Variants in ZFYVE26 observed in about 807,000 individuals in gnomAD.
ZFYVE26 encodes zinc finger FYVE domain-containing protein 26.
In ZFYVE26, 181 loss-of-function variants were observed where a neutral mutation model predicts 276.5. The ratio of observed to expected loss-of-function variants is 0.65; its 90% CI spans 0.58 to 0.74. ZFYVE26 has a LOEUF of 0.74. Among genes scored for constraint, ZFYVE26 ranks in the 30% least tolerant of loss-of-function variants. The pLI is 0.00. For missense variants in ZFYVE26, 2,821 were observed against 3,097.9 expected (o/e 0.91, Z 2.12); for synonymous variants, 1,129 against 1,203.1 (o/e 0.94, Z 1.27).
chr14:67,813,648 A>G (rs1264339845), intron 3 of ZFYVE26, among the ~76,000 whole-genome samples: 1 of 152,210 alleles, frequency 6.6e-6, no homozygotes, highest in African/African-American at 2.4e-5. Context: ...GTTTCAGCTC[A>G]GCCCATTCTC....
chr14:67,772,093 T>A lies in ZFYVE26; in HGVS notation c.5438A>T (p.Glu1813Val). 1 of 1,612,498 alleles carries A rather than the reference T, an allele frequency of 6.2e-7. No individual in the cohort carries two copies. ...PPARHQWVPD[E>V]TESICMVCCR... ...GCAGACCATGCAGATACTCTCAGTC[T>A]CATCCGGTACCCACTGGTGCCTGGC... is the stretch of plus-strand genomic sequence containing the variant. The change falls in exon 28 of 42, where the codon GAG becomes GTG. Residue 1813 changes from glutamate to valine, a missense_variant. Coordinates refer to ENST00000347230, the MANE Select transcript of ZFYVE26 (RefSeq NM_015346.4).
chr14:67,809,429 T>TTTTA, intron 3 of ZFYVE26, 140 bp from the exon 4 acceptor site: 1 of 670,070 alleles, frequency 1.5e-6, no homozygotes, highest in Non-Finnish European at 2.4e-6. Context: ...TTTTTTTTTT[T>TTTTA]TTTTTTATTT....
chr14:67,779,040 C>T (rs2039426590), intron 23 of ZFYVE26, among the ~76,000 whole-genome samples: 1 of 152,196 alleles, frequency 6.6e-6, no homozygotes. Context: ...CCACCATCTA[C>T]CACAGTGATT....
rs1351690810 is a variant in ZFYVE26 at position 67,805,255 on chromosome 14, A to G, written c.1233T>C (p.Ala411=). 11 of 1,614,110 alleles carry G rather than the reference A, an allele frequency of 6.8e-6. No individual in the cohort carries two copies. The highest frequency in any genetic ancestry group is 9.3e-6 in the Non-Finnish European group (11 of 1,180,010). Residue 411 remains alanine, a synonymous_variant, in exon 8 of 42, where the codon GCT becomes GCC. Transcript: ENST00000347230. ...TGCACCACTCCAGGACCTCCAGGTG[A>G]GCCCACAACCCATCACAGGCATCCC... is the stretch of plus-strand genomic sequence containing the variant. ...LLRDACDGLW[A]HLEVLEWCIQ... is the part of the protein sequence containing the mutation.
At position 67,772,066 on chromosome 14, in the gene ZFYVE26, C is replaced by T; in HGVS notation, c.5465G>A (p.Cys1822Tyr). 2 of 1,611,570 alleles carry T rather than the reference C, an allele frequency of 1.2e-6. No homozygotes were observed. The highest frequency in any genetic ancestry group is 2.2e-5 in the East Asian group (1 of 44,846). Reference sequence around the variant, plus strand: ...GCTTACCATGGTGAAGTGCTCCCTGCAGCAGACCATGCAGATACTCTCAGT... The same window carrying T: ...GCTTACCATGGTGAAGTGCTCCCTGTAGCAGACCATGCAGATACTCTCAGT... Reference protein sequence around the residue: ...DETESICMVCCREHFTMFNRR... With the variant: ...DETESICMVCYREHFTMFNRR... The change falls in exon 28 of 42, where the codon TGC (cysteine) becomes TAC (tyrosine). Residue 1822 changes from cysteine (C) to tyrosine (Y), a missense_variant. Coordinates refer to ENST00000347230, the MANE Select transcript of ZFYVE26 (RefSeq NM_015346.4).
chr14:67,777,923 C>T (rs1174191727), intron 24 of ZFYVE26, among the ~76,000 whole-genome samples, 188 bp from the exon 25 acceptor site: 1 of 151,838 alleles, frequency 6.6e-6, no homozygotes, highest in Non-Finnish European at 1.5e-5. Flanking sequence ...CAGAATTCAG[C>T]AGAATTCTGG....
chr14:67,729,946 C>G, intron 13 of ZFYVE26: 2 of 393,350 alleles, frequency 5.1e-6, no homozygotes, highest in Non-Finnish European at 1.0e-5. Context: ...AGAATCCAGC[C>G]CTGTCTGCTC....
rs547646598 is a variant in ZFYVE26, at chr14:67,735,000, A to G, written n.2680-5181T>C. Reference sequence around the variant, plus strand: ...CATTTTGTTAAATATCTGGCTAGAGAAAATATTTTAAATCTGAAAGTTTCC... The same window carrying G: ...CATTTTGTTAAATATCTGGCTAGAGGAAATATTTTAAATCTGAAAGTTTCC... On this transcript the variant is annotated intron_variant and non_coding_transcript_variant, in intron 13 of 14. Coordinates refer to the ZFYVE26 transcript ENST00000394455. 7.9e-5 allele frequency among the ~76,000 whole-genome samples: 12 copies of G among 152,348 alleles called. No homozygotes were observed. The East Asian group carries it at 2.3e-3, about 29-fold the overall frequency.
In ZFYVE26 at chr14:67,754,084, T is replaced by A; in HGVS notation, c.7115A>T (p.Asp2372Val). Reference sequence around the variant, plus strand: ...CGCTGCATGTACCTTGCAGGCAACATCCATTTTCATGTGGTTATTTCCAAA... The same window carrying A: ...CGCTGCATGTACCTTGCAGGCAACAACCATTTTCATGTGGTTATTTCCAAA... ...TLFGNNHMKM[D>V]VACKVMLGGK... The change falls in exon 38 of 42, where the codon GAT (aspartate) becomes GTT (valine). Residue 2372 changes from aspartate to valine, a missense_variant. Physicochemically the swap from Asp to Val is radical, Grantham distance 152 (BLOSUM62 -3). Transcript: ENST00000347230. 1 of 1,614,202 alleles carries A rather than the reference T, an allele frequency of 6.2e-7. No individual in the cohort carries two copies.
rs2038955123 is a variant in ZFYVE26 at position 67,762,338 on chromosome 14, G to A, written c.6234C>T (p.Asn2078=). The change falls in exon 34 of 42, where the codon AAC becomes AAT. Residue 2078 remains asparagine, a synonymous_variant. Transcript: ENST00000347230. The part of the protein sequence containing the change: ...AWGMACLKAG[N]LTAAREKFSR... ...TGAACTTCTCCCGTGCAGCAGTGAG[G>A]TTCCCGGCTTTGAGGCAGGCCATGC... 2 of 1,614,196 alleles carry A rather than the reference G, an allele frequency of 1.2e-6. No individual in the cohort carries two copies. Among genetic ancestry groups the A allele is most frequent in the African/African-American group, 1.3e-5 (1 of 75,048 alleles).
In ZFYVE26 at chr14:67,759,067, G is replaced by A. The variant is rs530818870; in HGVS notation, c.6588+2299C>T. Among the ~76,000 whole-genome samples the A allele has an allele frequency of 3.6e-3, 546 of 151,232 alleles. 4 individuals are homozygous for A. The highest frequency in any genetic ancestry group is 0.01 in the Middle Eastern group (3 of 292). ...ATCCTGGCTAACATGGTGAAACCCCGTCTCTACTAAAAAAAAAAATAGAAA... is the reference window on the plus strand; with the variant it reads ...ATCCTGGCTAACATGGTGAAACCCCATCTCTACTAAAAAAAAAAATAGAAA... On this transcript the variant is annotated intron_variant, in intron 35 of 41. Transcript: ENST00000347230.
intron 12 of ZFYVE26, chr14:67,797,346 A>C (rs1438742857): frequency 7.1e-5 from 26 of 364,620 alleles, no homozygotes; most frequent in Non-Finnish European, 9.4e-5. Context: ...GCAGTATTTA[A>C]AATGGTAAGT....
At chr14:67,806,206 C>G (rs1322916634) in intron 6 of ZFYVE26, among the ~76,000 whole-genome samples, 3 of 152,196 alleles carry the variant, frequency 2.0e-5, no homozygotes, top group African/African-American at 7.2e-5. Context: ...CAGTTGCAAT[C>G]TGGAAGGAAA....
intron 2 of ZFYVE26, among the ~76,000 whole-genome samples, chr14:67,814,670 C>A (rs1191584491): frequency 6.6e-6 from 1 of 152,176 alleles, no homozygotes. Context: ...CTAATACTAT[C>A]TGAAGCATAT....
chr14:67,805,495 C>G lies in ZFYVE26; in HGVS notation c.1141G>C (p.Glu381Gln), dbSNP rs2040162265. The part of the protein sequence containing the change: ...LLGWTHCQSL[E>Q]SAKRLLQTLH... ...GTCTGGAGCAGCCTCTTGGCTGACT[C>G]TAGGCTCTGGCAGTGTGTCCAGCCC... The change falls in exon 7 of 42, where the codon GAG becomes CAG. Residue 381 changes from glutamate to glutamine, a missense_variant. By Grantham distance (29) the Glu-to-Gln change is conservative. Coordinates refer to ENST00000347230, the MANE Select transcript of ZFYVE26 (RefSeq NM_015346.4). The G allele has an allele frequency of 6.2e-7, 1 of 1,614,202 alleles. No individual in the cohort carries two copies.
chr14:67,795,229 G>T (rs764017529), intron 12 of ZFYVE26, among the ~76,000 whole-genome samples: 2 of 152,202 alleles, frequency 1.3e-5, no homozygotes, highest in Non-Finnish European at 2.9e-5. Context: ...GGGTCAAGTG[G>T]ATGCAAACTC....
intron 39 of ZFYVE26, 120 bp downstream of exon 39, chr14:67,753,587 C>T: frequency 9.2e-7 from 1 of 1,083,728 alleles, no homozygotes; most frequent in East Asian, 2.6e-5. Context: ...TTGATTTCAT[C>T]CCTAATGTGC....
In ZFYVE26 at chr14:67,783,154, C is replaced by A; in HGVS notation, c.3998G>T (p.Ser1333Ile). The A allele has an allele frequency of 6.2e-7, 1 of 1,607,290 alleles. No homozygotes were observed. The highest frequency in any genetic ancestry group is 8.5e-7 in the Non-Finnish European group (1 of 1,175,330). The change falls in exon 21 of 42, where the codon AGC (serine) becomes ATC (isoleucine). Residue 1333 changes from serine (S) to isoleucine (I), a missense_variant. By Grantham distance (142) the Ser-to-Ile change is moderately radical. Coordinates refer to ENST00000347230, the MANE Select transcript of ZFYVE26 (RefSeq NM_015346.4). ...ASPRLKVSKP[S>I]LSWKELRGRR... ...GCCACGAAGTTCCTTCCATGACAAG[C>A]TGGGTTTGCTGACCTTTAACCTCGG...
chr14:67,775,430 A>C (rs181399558), intron 26 of ZFYVE26, among the ~76,000 whole-genome samples: 8 of 152,340 alleles, frequency 5.3e-5, no homozygotes, highest in African/African-American at 1.7e-4. Context: ...GTAAGAAAAA[A>C]GAGCTGGCTG....
Sources: allele counts gnomAD v4.1 joint callset (sites outside exome capture counted in the v4.1 genomes callset), GRCh38; gene constraint gnomAD v4.1.1; transcripts MANE v1.5; gene names NCBI Gene and HGNC (gene_info 2026-07-23, HGNC 2026-07-21).